The following RFX3 variants were observed in gnomAD, a reference collection of about 807,000 sequenced individuals.
RFX3 encodes transcription factor RFX3.
Under a neutral mutation model 98.6 loss-of-function variants are expected in RFX3, and 14 were observed. The observed-to-expected ratio is 0.14, with a 90% CI of 0.09 to 0.22. The LOEUF is 0.22. Ranked by LOEUF, RFX3 falls within the 10% of genes least tolerant of loss-of-function variation. RFX3 has a pLI of 1.00. For missense variants in RFX3, 639 were observed against 926.9 expected, an observed-to-expected ratio of 0.69 and a Z score of 4.03; for synonymous variants, 383 against 328.4, an observed-to-expected ratio of 1.17 and a Z score of -1.80.
intron 4 of RFX3, among the ~76,000 whole-genome samples, chr9:3,308,549 C>A (rs148559720): frequency 6.6e-6 from 1 of 152,250 alleles, no homozygotes; most frequent in East Asian, 1.9e-4. Context: ...AATAAACTTC[C>A]ACATTACATG....
chr9:3,385,700 AAAAAG>A (rs57000431), intron 2 of RFX3, among the ~76,000 whole-genome samples: 30,023 of 144,732 alleles, frequency 0.21, 3,359 homozygotes, highest in African/African-American at 0.3. Context: ...AAAAAAAAAA[AAAAAG>A]AAAAGAAAAG....
At chr9:3,320,413 G>C (rs968571688) in intron 4 of RFX3, among the ~76,000 whole-genome samples, 1 of 151,900 alleles carries the variant, frequency 6.6e-6, no homozygotes, top group African/African-American at 2.4e-5. Context: ...AGCTAGCCGG[G>C]TGTGGTGGCG....
chr9:3,394,672 T>C (rs1294937624), intron 2 of RFX3: 1 of 214,732 alleles, frequency 4.7e-6, no homozygotes, highest in Non-Finnish European at 8.0e-6. Context: ...TTATTTATAA[T>C]TGTAAGAGCA....
chr9:3,443,124 A>C (rs1845743859), intron 1 of RFX3, among the ~76,000 whole-genome samples: 1 of 152,232 alleles, frequency 6.6e-6, no homozygotes, highest in Non-Finnish European at 1.5e-5. Flanking sequence ...CAACATCATT[A>C]ATCATTAAGA....
chr9:3,307,482 G>A (rs1563898653), intron 4 of RFX3, among the ~76,000 whole-genome samples: 1 of 152,148 alleles, frequency 6.6e-6, no homozygotes, highest in African/African-American at 2.4e-5. Flanking sequence ...CAGGATTGAG[G>A]TGAGAAACTG....
chr9:3,318,486 C>T (rs571299741), intron 4 of RFX3, among the ~76,000 whole-genome samples: 23 of 149,150 alleles, frequency 1.5e-4, no homozygotes, highest in African/African-American at 5.2e-4. Context: ...GAAACATGTA[C>T]GTTGTGCACA....
At chr9:3,366,158 C>T (rs1370472660) in intron 2 of RFX3, among the ~76,000 whole-genome samples, 1 of 152,080 alleles carries the variant, frequency 6.6e-6, no homozygotes, top group Non-Finnish European at 1.5e-5. Context: ...GGTACTGTTG[C>T]TCATAGCTCA....
rs76865279 is a variant in RFX3 at position 3,501,064 on chromosome 9, T to A, written c.-9+24683A>T. ...TCCTCAAGGCTACAAAGCTTCAATA[T>A]AATTAAGTGTGGCATTCGTAAAAGA... is the stretch of plus-strand genomic sequence containing the variant. On this transcript the variant is annotated intron_variant, in intron 1 of 16. Coordinates refer to ENST00000617270, the MANE Select transcript of RFX3 (RefSeq NM_001282116.2). 5.5e-3 allele frequency among the ~76,000 whole-genome samples: 845 copies of A among 152,294 alleles called. 4 individuals carry two copies. The highest frequency in any genetic ancestry group is 0.019 in the African/African-American group (805 of 41,556).
chr9:3,401,246 G>C (rs1458606010), intron 1 of RFX3, among the ~76,000 whole-genome samples: 1 of 152,172 alleles, frequency 6.6e-6, no homozygotes, highest in East Asian at 1.9e-4. Context: ...GTTAAAGCAT[G>C]TTTGAGGAAT....
intron 7 of RFX3, among the ~76,000 whole-genome samples, chr9:3,278,229 A>G (rs1384851461): frequency 6.6e-6 from 1 of 151,940 alleles, no homozygotes; most frequent in Admixed American, 6.6e-5. Context: ...ATATAAAAAA[A>G]CAAAACATAA....
At chr9:3,479,785 A>C (rs1849587099) in intron 1 of RFX3, among the ~76,000 whole-genome samples, 1 of 152,182 alleles carries the variant, frequency 6.6e-6, no homozygotes, top group African/African-American at 2.4e-5. Context: ...TGGAAGTGGG[A>C]AATCGACAGA....
At chr9:3,312,027 G>C (rs1031513417) in intron 4 of RFX3, among the ~76,000 whole-genome samples, 8 of 152,272 alleles carry the variant, frequency 5.3e-5, no homozygotes, top group Non-Finnish European at 1.2e-4. Flanking sequence ...AGAATGTAAG[G>C]TGCAACTAAT....
At chr9:3,516,473 G>C (rs1021136998) in intron 1 of RFX3, among the ~76,000 whole-genome samples, 6 of 152,146 alleles carry the variant, frequency 3.9e-5, no homozygotes, top group Admixed American at 2.0e-4. Flanking sequence ...AAAAAGAAAA[G>C]CAGTAACTAT....
intron 2 of RFX3, among the ~76,000 whole-genome samples, chr9:3,347,435 C>G (rs1272675340): frequency 6.6e-6 from 1 of 151,932 alleles, no homozygotes; most frequent in Admixed American, 6.6e-5. Context: ...ATTTCAAACA[C>G]TCAAATATGT....
At chr9:3,493,700 A>AAAAAAATATATATAT (rs398010211) in intron 1 of RFX3, among the ~76,000 whole-genome samples, 1 of 71,814 alleles carries the variant, frequency 1.4e-5, no homozygotes, top group African/African-American at 5.9e-5. Flanking sequence ...AAAAAAAAAA[A>AAAAAAATATATATAT]ATATATATAT....
chr9:3,314,134 T>A (rs188261433), intron 4 of RFX3, among the ~76,000 whole-genome samples: 42 of 152,344 alleles, frequency 2.8e-4, no homozygotes, highest in African/African-American at 1.0e-3. Flanking sequence ...AAGGTCGGGT[T>A]ACCCACAAAG....
rs1208721768 is a variant in RFX3 at position 3,522,324 on chromosome 9, T to C, written c.-9+3423A>G. Among the ~76,000 whole-genome samples, 4 of 152,182 alleles carry C rather than the reference T, an allele frequency of 2.6e-5. No homozygotes were observed. The East Asian group carries it at 7.7e-4, about 29-fold the overall frequency. On this transcript the variant is annotated intron_variant, in intron 1 of 16. Transcript: ENST00000617270. ...TACTTTGTCATGGCCACTGGGAATA[T>C]ATACCAAAGAGTTAAAGGCAAATTA...
intron 13 of RFX3, among the ~76,000 whole-genome samples, chr9:3,257,898 C>A (rs1394248123): frequency 6.6e-6 from 1 of 152,054 alleles, no homozygotes; most frequent in African/African-American, 2.4e-5. Flanking sequence ...TGCAATTTTC[C>A]TTCTGGTTCT....
intron 2 of RFX3, among the ~76,000 whole-genome samples, chr9:3,360,932 T>C (rs559523557): frequency 6.6e-6 from 1 of 152,336 alleles, no homozygotes; most frequent in South Asian, 2.1e-4. Context: ...AGAACAATAC[T>C]AGTCTCTTTG....
Sources: gnomAD v4.1 joint callset for allele counts (sites outside exome capture counted in the v4.1 genomes callset) on GRCh38, gnomAD v4.1.1 for gene constraint, MANE v1.5 for transcripts, NCBI Gene and HGNC (gene_info 2026-07-23, HGNC 2026-07-21) for gene names.